Variants in CLEC5A observed in about 807,000 individuals in gnomAD.
CLEC5A encodes C-type lectin domain family 5 member A.
A neutral mutation model predicts 24.4 loss-of-function variants in CLEC5A; 15 were observed. That is an observed-to-expected ratio of 0.62 (90% CI 0.41 to 0.95). The LOEUF is 0.95. Ranked by LOEUF, CLEC5A falls within the 40% of genes least tolerant of loss-of-function variation. The probability of loss-of-function intolerance (pLI) is 0.00; values close to 1 mark genes in which losing one functional copy is unlikely to be tolerated. For synonymous variants in CLEC5A, 71 were observed against 72.6 expected, an observed-to-expected ratio of 0.98 and a Z score of 0.11; for missense variants, 211 against 224.0, an observed-to-expected ratio of 0.94 and a Z score of 0.37.
intron 5 of CLEC5A, 113 bp downstream of exon 5, chr7:141,935,701 A>C: frequency 1.1e-6 from 1 of 927,694 alleles, no homozygotes; most frequent in Non-Finnish European, 1.7e-6. Context: ...TCAGCCAGCC[A>C]CCTCTCCATT....
At chr7:141,933,316 G>A (rs1272129747) in intron 5 of CLEC5A, among the ~76,000 whole-genome samples, 4 of 152,086 alleles carry the variant, frequency 2.6e-5, no homozygotes, top group Non-Finnish European at 4.4e-5. Context: ...CTGTCAGGGA[G>A]AGTATGGACT....
In CLEC5A at chr7:141,943,912, T is replaced by G. The variant is rs1554441861; in HGVS notation, c.192A>C (p.Thr64=). The stretch of plus-strand genomic sequence containing the variant: ...GCACTTTACCTGTTCCATAGCTCCT[T>G]GTGGTAATGAAGCCGTTGGGACTTG... ...SSPSPNGFIT[T]RSYGTVCPKD... is the part of the protein sequence containing the mutation. Residue 64 remains threonine (T), a synonymous_variant, in exon 4 of 7, where the codon ACA becomes ACC. Transcript: ENST00000546910. 5 of 1,609,870 alleles carry G rather than the reference T, an allele frequency of 3.1e-6. No homozygotes were observed. In the East Asian group the frequency reaches 1.1e-4, roughly 36 times the overall value.
Position 141,927,776 on chromosome 7 carries a change from G to T in CLEC5A, c.*2328C>A, listed in dbSNP as rs2128959526. On this transcript the variant is annotated 3_prime_UTR_variant, in exon 7 of 7. Transcript: ENST00000546910. ...GTAAACAAGTTCTGAAAAATGAAGT[G>T]GCTTGCCTACATTAAGCTTCTAGCA... 1 of 152,284 alleles carries T rather than the reference G, an allele frequency of 6.6e-6. No individual in the cohort carries two copies. Among genetic ancestry groups the T allele is most frequent in the South Asian group, 2.1e-4 (1 of 4,830 alleles). 9.4% of individuals were successfully genotyped at this position (152,284 alleles called of 1,614,324 possible).
chr7:141,933,575 CATAT>C (rs3043785), intron 5 of CLEC5A, among the ~76,000 whole-genome samples: 3,664 of 114,746 alleles, frequency 0.032, 96 homozygotes, highest in East Asian at 0.068. Flanking sequence ...AGGGAGCAGG[CATAT>C]ATATATATAT....
chr7:141,937,327 A>T (rs927096296), intron 4 of CLEC5A, among the ~76,000 whole-genome samples: 2 of 152,030 alleles, frequency 1.3e-5, no homozygotes, highest in African/African-American at 2.4e-5. Flanking sequence ...GCCTGGCAGC[A>T]TTCGTGACAA....
intron 3 of CLEC5A, 144 bp downstream of exon 3, chr7:141,945,197 A>G: frequency 1.3e-6 from 1 of 750,932 alleles, no homozygotes; most frequent in Non-Finnish European, 2.4e-6. Flanking sequence ...TCATATGTAA[A>G]AGAAAGGGAA....
At chr7:141,943,048 C>T (rs1024130482) in intron 4 of CLEC5A, among the ~76,000 whole-genome samples, 4 of 152,098 alleles carry the variant, frequency 2.6e-5, no homozygotes, top group Non-Finnish European at 5.9e-5. Flanking sequence ...AGAACTACCA[C>T]ATGGCCCAGC....
chr7:141,935,734 T>TC (rs1554440979), intron 5 of CLEC5A, 80 bp downstream of exon 5: 356,945 of 1,242,460 alleles, frequency 0.29, 51,975 homozygotes, highest in East Asian at 0.44. Context: ...CCATCCCCAC[T>TC]CCCCCAAGTT....
rs1336853026 is a variant in CLEC5A, at chr7:141,929,964, A to G, written c.*140T>C. The stretch of plus-strand genomic sequence containing the variant: ...TGGCTAGCATCCAGTCCCCCAGTGC[A>G]GAAGAAAGAAGCTCAGTTTCCCAAA... On this transcript the variant is annotated 3_prime_UTR_variant, in exon 7 of 7. Transcript: ENST00000546910. The G allele has an allele frequency of 1.6e-6, 1 of 624,186 alleles. No individual in the cohort carries two copies. Among genetic ancestry groups the G allele is most frequent in the East Asian group, 2.9e-5 (1 of 35,044 alleles). 38.7% of individuals were successfully genotyped at this position (624,186 alleles called of 1,614,324 possible).
chr7:141,940,138 C>A (rs927783036), intron 4 of CLEC5A, among the ~76,000 whole-genome samples: 1 of 152,072 alleles, frequency 6.6e-6, no homozygotes, highest in Non-Finnish European at 1.5e-5. Context: ...AATACACATT[C>A]TTTTCTTCAG....
At chr7:141,945,108 A>G (rs559700904) in intron 3 of CLEC5A, among the ~76,000 whole-genome samples, 2 of 152,318 alleles carry the variant, frequency 1.3e-5, no homozygotes, top group South Asian at 4.1e-4. Flanking sequence ...TTCTATTACA[A>G]TGATTAGATA....
At chr7:141,934,616 T>TTC (rs1554440832) in intron 5 of CLEC5A, among the ~76,000 whole-genome samples, 2 of 21,346 alleles carry the variant, frequency 9.4e-5, no homozygotes, top group Non-Finnish European at 2.1e-4. Flanking sequence ...CTTTAACGTT[T>TTC]TTTTTTTTTT....
chr7:141,939,189 T>C (rs1554441402), intron 4 of CLEC5A, among the ~76,000 whole-genome samples: 2 of 151,906 alleles, frequency 1.3e-5, no homozygotes, highest in African/African-American at 2.4e-5. Context: ...GATGAACCAA[T>C]AAAAATGATA....
At chr7:141,935,681 C>T in intron 5 of CLEC5A, 133 bp downstream of exon 5, 1 of 759,536 alleles carries the variant, frequency 1.3e-6, no homozygotes, top group Non-Finnish European at 2.2e-6. Context: ...GAACAAATAG[C>T]TTCAGTTTTT....
chr7:141,943,182 A>G (rs1364010782), intron 4 of CLEC5A, among the ~76,000 whole-genome samples: 1 of 152,206 alleles, frequency 6.6e-6, no homozygotes, highest in Non-Finnish European at 1.5e-5. Context: ...CTAAGTGTCC[A>G]TCAACAGATG....
intron 5 of CLEC5A, among the ~76,000 whole-genome samples, chr7:141,934,742 C>T (rs1489672720): frequency 6.7e-6 from 1 of 150,076 alleles, no homozygotes; most frequent in African/African-American, 2.5e-5. Context: ...TCTTGTGCCT[C>T]AGCCACTTAA....
intron 4 of CLEC5A, among the ~76,000 whole-genome samples, chr7:141,940,900 A>C (rs1554441583): frequency 6.6e-6 from 1 of 152,138 alleles, no homozygotes; most frequent in Non-Finnish European, 1.5e-5. Context: ...AAACCTGAAC[A>C]GATCAATAAC....
At chr7:141,930,758 T>G (rs1802435119) in intron 6 of CLEC5A, among the ~76,000 whole-genome samples, 1 of 152,230 alleles carries the variant, frequency 6.6e-6, no homozygotes, top group Non-Finnish European at 1.5e-5. Flanking sequence ...GTCATGTGTT[T>G]GGGACTAGCT....
intron 2 of CLEC5A, chr7:141,945,733 G>A: frequency 5.2e-6 from 2 of 382,874 alleles, no homozygotes; most frequent in South Asian, 5.4e-5. Context: ...GTTTCTGATT[G>A]CAGTAAAATC....
Sources: allele counts gnomAD v4.1 joint callset (sites outside exome capture counted in the v4.1 genomes callset), GRCh38; gene constraint gnomAD v4.1.1; transcripts MANE v1.5; gene names NCBI Gene and HGNC (gene_info 2026-07-23, HGNC 2026-07-21).